RANBP17: variants seen among roughly 807,000 people sequenced by gnomAD.
RANBP17 encodes ran-binding protein 17.
Under a neutral mutation model 141.2 loss-of-function variants are expected in RANBP17, and 158 were observed. That is an observed-to-expected ratio of 1.12 (90% CI 0.98 to 1.28). The LOEUF (loss-of-function observed/expected upper bound fraction) is 1.28. Among genes scored for constraint, RANBP17 ranks in the 50% most tolerant of loss-of-function variants. The pLI is 0.00. For missense variants in RANBP17, 1,438 were observed against 1,290.7 expected (o/e 1.11, Z -1.75); for synonymous variants, 430 against 450.0 (o/e 0.96, Z 0.56).
chr5:170,965,998 C>T (rs1250732415), intron 13 of RANBP17, among the ~76,000 whole-genome samples: 1 of 152,060 alleles, frequency 6.6e-6, no homozygotes, highest in Admixed American at 6.6e-5. Flanking sequence ...GCAGTATGGC[C>T]ATTTTATCTC....
intron 14 of RANBP17, among the ~76,000 whole-genome samples, chr5:171,046,205 C>CTT (rs1203505195): frequency 6.5e-4 from 85 of 131,336 alleles, no homozygotes; most frequent in African/African-American, 1.6e-3. Flanking sequence ...ATAGTTCTGC[C>CTT]TTTTTTTTTT....
chr5:171,168,051 A>G (rs1759825915), intron 14 of RANBP17, among the ~76,000 whole-genome samples: 1 of 152,188 alleles, frequency 6.6e-6, no homozygotes, highest in Non-Finnish European at 1.5e-5. Context: ...GCCACGTAGT[A>G]TTCACTTGAC....
At chr5:171,262,924 C>T (rs963983692) in intron 24 of RANBP17, among the ~76,000 whole-genome samples, 4 of 152,178 alleles carry the variant, frequency 2.6e-5, no homozygotes, top group Non-Finnish European at 5.9e-5. Flanking sequence ...TAAATGCATA[C>T]GACTGTATTT....
intron 12 of RANBP17, among the ~76,000 whole-genome samples, chr5:170,948,326 A>G (rs557948463): frequency 1.3e-5 from 2 of 152,174 alleles, no homozygotes; most frequent in Non-Finnish European, 2.9e-5. Flanking sequence ...GAGAGAGTGA[A>G]AAAATGGCAG....
chr5:171,122,396 G>T (rs777596518), intron 14 of RANBP17, among the ~76,000 whole-genome samples: 4 of 152,062 alleles, frequency 2.6e-5, no homozygotes, highest in Non-Finnish European at 5.9e-5. Flanking sequence ...CTTCAAGATG[G>T]CTGACTACAG....
intron 14 of RANBP17, among the ~76,000 whole-genome samples, chr5:171,157,344 C>A (rs1758978277): frequency 6.6e-6 from 1 of 152,018 alleles, no homozygotes; most frequent in Non-Finnish European, 1.5e-5. Flanking sequence ...AGTTTTACAC[C>A]CGGCAAGATT....
intron 25 of RANBP17, among the ~76,000 whole-genome samples, chr5:171,287,283 G>A (rs946699558): frequency 3.9e-5 from 6 of 152,168 alleles, no homozygotes; most frequent in Admixed American, 3.3e-4. Flanking sequence ...CTGAGGTCAG[G>A]AGTTCAAGAC....
At chr5:171,269,535 G>A (rs1056363428) in intron 25 of RANBP17, among the ~76,000 whole-genome samples, 3 of 152,180 alleles carry the variant, frequency 2.0e-5, no homozygotes, top group Non-Finnish European at 2.9e-5. Context: ...TATTAGCAGG[G>A]ATGGGTCCCA....
At chr5:171,179,505 C>G (rs951082765) in intron 16 of RANBP17, among the ~76,000 whole-genome samples, 3 of 152,156 alleles carry the variant, frequency 2.0e-5, no homozygotes, top group African/African-American at 7.2e-5. Context: ...ATATTGTCAT[C>G]TGTGAACTTT....
At chr5:171,137,687 G>A (rs1388858420) in intron 14 of RANBP17, among the ~76,000 whole-genome samples, 1 of 150,026 alleles carries the variant, frequency 6.7e-6, no homozygotes, top group African/African-American at 2.5e-5. Flanking sequence ...TTTTCACTTT[G>A]GCCATCTGGA....
rs184993363 is a variant in RANBP17, at chr5:171,190,976, A to G, written c.2038+7546A>G. On this transcript the variant is annotated intron_variant, in intron 18 of 27. Coordinates refer to ENST00000523189, the MANE Select transcript of RANBP17 (RefSeq NM_022897.5). ...CACGTGGATAGGATTTGAGTGAGCA[A>G]TGCATTCCTCGGGTATTTAAACTCT... Among the ~76,000 whole-genome samples, 19 of 152,332 alleles carry G rather than the reference A, an allele frequency of 1.2e-4. No individual in the cohort carries two copies. In the East Asian group the frequency reaches 3.5e-3, roughly 28 times the overall value.
intron 1 of RANBP17, among the ~76,000 whole-genome samples, chr5:170,871,421 A>G (rs1767717547): frequency 6.6e-6 from 1 of 152,152 alleles, no homozygotes; most frequent in Non-Finnish European, 1.5e-5. Flanking sequence ...AATTCTGGAT[A>G]TTAGACCTTT....
intron 5 of RANBP17, among the ~76,000 whole-genome samples, chr5:170,900,709 T>C (rs980667435): frequency 1.3e-5 from 2 of 152,198 alleles, no homozygotes; most frequent in Non-Finnish European, 2.9e-5. Flanking sequence ...TTCTGATACA[T>C]TGGGTCTTTG....
intron 21 of RANBP17, among the ~76,000 whole-genome samples, chr5:171,219,117 C>T (rs558258452): frequency 5.9e-5 from 9 of 152,122 alleles, no homozygotes; most frequent in Non-Finnish European, 1.2e-4. Flanking sequence ...ATTTGCTTGT[C>T]TGTAAAAGAT....
rs1040425235 is a variant in RANBP17, at chr5:171,199,676, A to G, written c.2045A>G (p.Asp682Gly). 3 of 1,603,918 alleles carry G rather than the reference A, an allele frequency of 1.9e-6. No homozygotes were observed. The highest frequency in any genetic ancestry group is 3.4e-5 in the Admixed American group (2 of 59,540). The change falls in exon 19 of 28, where the codon GAT (aspartate) becomes GGT (glycine). Residue 682 changes from aspartate to glycine, a missense_variant. Transcript: ENST00000523189. Reference sequence around the variant, plus strand: ...CCTTTTGTTTCTCTGATAGGTGAAGATGAGGATGAATTTGAGAATTTCATG... The same window carrying G: ...CCTTTTGTTTCTCTGATAGGTGAAGGTGAGGATGAATTTGAGAATTTCATG... ...TRLLMVDLGE[D>G]EDEFENFMLP...
rs754933936 is a variant in RANBP17 at position 170,911,064 on chromosome 5, C to A, written c.690C>A (p.Phe230Leu). The A allele has an allele frequency of 1.2e-6, 2 of 1,612,046 alleles. No homozygotes were observed. The highest frequency in any genetic ancestry group is 4.5e-5 in the East Asian group (2 of 44,798). The change falls in exon 7 of 28, where the codon TTC (phenylalanine) becomes TTA (leucine). Residue 230 changes from phenylalanine to leucine, a missense_variant. By Grantham distance (22) the Phe-to-Leu change is conservative. Transcript: ENST00000523189. ...TCCTTAACTGCCTTAACTTTGACTT[C>A]ATTGGCAGTTCAGCAGATGAATCTG... ...KLVLNCLNFD[F>L]IGSSADESAD...
intron 14 of RANBP17, among the ~76,000 whole-genome samples, chr5:171,115,106 C>CA (rs200756530): frequency 2.2e-3 from 325 of 147,674 alleles, no homozygotes; most frequent in South Asian, 0.014. Flanking sequence ...GTCTCTAAAA[C>CA]AAAAAAAAAC....
intron 1 of RANBP17, among the ~76,000 whole-genome samples, chr5:170,877,069 C>T (rs1352009373): frequency 1.3e-5 from 2 of 151,812 alleles, no homozygotes; most frequent in Non-Finnish European, 2.9e-5. Context: ...TGTCCCAGAT[C>T]GTCATGAGAT....
Position 170,968,366 on chromosome 5 carries a change from A to G in RANBP17, c.1699A>G (p.Arg567Gly). 1 of 1,604,302 alleles carries G rather than the reference A, an allele frequency of 6.2e-7. No individual in the cohort carries two copies. The highest frequency in any genetic ancestry group is 2.2e-5 in the East Asian group (1 of 44,686). ...RKTYVGDQLQRTSKVYARMSE... is the reference protein window; with the variant it reads ...RKTYVGDQLQGTSKVYARMSE... Reference sequence around the variant, plus strand: ...AACATATGTTGGTGATCAACTTCAAAGAACCTCAAAGGTAGGTTTCTACTA... The same window carrying G: ...AACATATGTTGGTGATCAACTTCAAGGAACCTCAAAGGTAGGTTTCTACTA... The change falls in exon 14 of 28, where the codon AGA becomes GGA. Residue 567 changes from arginine to glycine, a missense_variant. Physicochemically the swap from Arg to Gly is moderately radical, Grantham distance 125 (BLOSUM62 -2). Transcript: ENST00000523189.
Sources: allele counts gnomAD v4.1 joint callset (sites outside exome capture counted in the v4.1 genomes callset), GRCh38; gene constraint gnomAD v4.1.1; transcripts MANE v1.5; gene names NCBI Gene and HGNC (gene_info 2026-07-23, HGNC 2026-07-21).